The following EFCAB11 variants were observed in gnomAD, a reference collection of about 807,000 sequenced individuals.
EFCAB11 encodes the protein EF-hand calcium-binding domain-containing protein 11.
A neutral mutation model predicts 23.0 loss-of-function variants in EFCAB11; 14 were observed. The observed-to-expected ratio is 0.61, with a 90% CI of 0.40 to 0.95. The LOEUF (loss-of-function observed/expected upper bound fraction) is 0.95, where lower values mean the gene tolerates loss of function less well. Ranked by LOEUF, EFCAB11 falls within the 40% of genes least tolerant of loss-of-function variation. EFCAB11 has a pLI of 0.00. For synonymous variants in EFCAB11, 65 were observed against 66.6 expected, an observed-to-expected ratio of 0.98 and a Z score of 0.11; for missense variants, 198 against 195.8, an observed-to-expected ratio of 1.01 and a Z score of -0.07.
intron 5 of EFCAB11, among the ~76,000 whole-genome samples, chr14:89,866,800 A>G (rs1888106439): frequency 1.3e-5 from 2 of 151,484 alleles, no homozygotes; most frequent in South Asian, 4.2e-4. Context: ...TGTTTTATTT[A>G]TCTTTTTTTT....
chr14:89,852,569 A>C (rs1379822665), intron 5 of EFCAB11, among the ~76,000 whole-genome samples: 3 of 152,132 alleles, frequency 2.0e-5, no homozygotes, highest in African/African-American at 7.2e-5. Context: ...ACACGTACAC[A>C]ACTTAAATGT....
chr14:89,904,894 T>G (rs1889448756), intron 5 of EFCAB11, among the ~76,000 whole-genome samples: 1 of 152,204 alleles, frequency 6.6e-6, no homozygotes, highest in African/African-American at 2.4e-5. Context: ...ATGGGTAGAT[T>G]GCAAAAATTT....
At chr14:89,936,091 A>G (rs1300871285) in intron 3 of EFCAB11, among the ~76,000 whole-genome samples, 1 of 152,216 alleles carries the variant, frequency 6.6e-6, no homozygotes, top group Non-Finnish European at 1.5e-5. Context: ...CTTTCTATTC[A>G]CATAGCCAGC....
At chr14:89,882,839 A>C (rs1888643390) in intron 5 of EFCAB11, among the ~76,000 whole-genome samples, 1 of 152,198 alleles carries the variant, frequency 6.6e-6, no homozygotes, top group Non-Finnish European at 1.5e-5. Context: ...CCCAGTGTTA[A>C]AAGTGGGGCC....
chr14:89,915,846 A>C (rs1889823120), intron 5 of EFCAB11, among the ~76,000 whole-genome samples: 1 of 152,254 alleles, frequency 6.6e-6, no homozygotes, highest in African/African-American at 2.4e-5. Context: ...ATAAGACATT[A>C]ATTTAACCGG....
intron 5 of EFCAB11, among the ~76,000 whole-genome samples, chr14:89,827,630 T>TTA (rs1886740550): frequency 7.3e-6 from 1 of 136,166 alleles, no homozygotes; most frequent in Non-Finnish European, 1.5e-5. Context: ...TATTCACTCT[T>TTA]TTTTTTTTTT....
At chr14:89,918,148 G>A (rs1390711368) in intron 5 of EFCAB11, among the ~76,000 whole-genome samples, 1 of 152,052 alleles carries the variant, frequency 6.6e-6, no homozygotes, top group African/African-American at 2.4e-5. Flanking sequence ...AATGGCTGAT[G>A]GAGAAATGTC....
At chr14:89,875,255 G>A (rs1325173573) in intron 5 of EFCAB11, among the ~76,000 whole-genome samples, 1 of 152,152 alleles carries the variant, frequency 6.6e-6, no homozygotes, top group Non-Finnish European at 1.5e-5. Context: ...CTTTTATAAA[G>A]ACCATCAGAT....
At chr14:89,910,571 T>C (rs1889645076) in intron 5 of EFCAB11, among the ~76,000 whole-genome samples, 1 of 151,990 alleles carries the variant, frequency 6.6e-6, no homozygotes, top group Non-Finnish European at 1.5e-5. Flanking sequence ...CACTCCAGCC[T>C]GGGCAACAGA....
chr14:89,880,221 T>A lies in EFCAB11; in HGVS notation c.410+51320A>T, dbSNP rs147816640. Among the ~76,000 whole-genome samples, 154 of 152,336 alleles carry A rather than the reference T, an allele frequency of 1.0e-3. 3 individuals are homozygous for A. Among genetic ancestry groups the A allele is most frequent in the African/African-American group, 3.6e-3 (148 of 41,554 alleles). On this transcript the variant is annotated intron_variant, in intron 5 of 5. Coordinates refer to ENST00000316738, the MANE Select transcript of EFCAB11 (RefSeq NM_145231.4). ...AGGGAAGAGCCTTCATGAATGGGAT[T>A]GGTGCCCAAGAGGCCCCAGAGCACT...
intron 5 of EFCAB11, among the ~76,000 whole-genome samples, chr14:89,852,486 T>G (rs1887627965): frequency 6.6e-6 from 1 of 152,178 alleles, no homozygotes; most frequent in Non-Finnish European, 1.5e-5. Context: ...CAAGGTCTGA[T>G]CAACACAGGA....
At chr14:89,903,582 G>A (rs1303539463) in intron 5 of EFCAB11, among the ~76,000 whole-genome samples, 1 of 150,642 alleles carries the variant, frequency 6.6e-6, no homozygotes, top group Non-Finnish European at 1.5e-5. Flanking sequence ...AAGGGGGGGG[G>A]CAATTCTGGG....
At chr14:89,852,211 G>A (rs932367747) in intron 5 of EFCAB11, among the ~76,000 whole-genome samples, 2 of 152,212 alleles carry the variant, frequency 1.3e-5, no homozygotes, top group African/African-American at 4.8e-5. Flanking sequence ...AGAAGATTAT[G>A]CATAAGCAGT....
chr14:89,884,120 C>T (rs2140179206), intron 5 of EFCAB11, among the ~76,000 whole-genome samples: 1 of 152,234 alleles, frequency 6.6e-6, no homozygotes, highest in South Asian at 2.1e-4. Context: ...CAGGGAGACT[C>T]TGTCTCTAAA....
intron 5 of EFCAB11, among the ~76,000 whole-genome samples, chr14:89,864,961 A>C (rs111604299): frequency 1.7e-3 from 262 of 152,082 alleles, no homozygotes; most frequent in Admixed American, 3.1e-3. Context: ...ATTATTAGAT[A>C]CTCCTGGACC....
At position 89,855,360 on chromosome 14, in the gene EFCAB11, C is replaced by T. The variant is rs1033034515; in HGVS notation, c.411-58036G>A. ...GCAGGGTGGTGTGCACCTGTAGTCC[C>T]ACCTACTCGGGAGGCTGAGGTGGGA... On this transcript the variant is annotated intron_variant, in intron 5 of 5. Coordinates refer to ENST00000316738, the MANE Select transcript of EFCAB11 (RefSeq NM_145231.4). Among the ~76,000 whole-genome samples, 4 of 151,990 alleles carry T rather than the reference C, an allele frequency of 2.6e-5. No individual in the cohort carries two copies. The South Asian group carries it at 6.2e-4, about 24-fold the overall frequency.
intron 5 of EFCAB11, among the ~76,000 whole-genome samples, chr14:89,806,561 T>TAC (rs1566765392): frequency 3.9e-5 from 6 of 152,262 alleles, no homozygotes; most frequent in Non-Finnish European, 7.4e-5. Flanking sequence ...ACAAATCTGT[T>TAC]TCCTACACTT....
intron 5 of EFCAB11, among the ~76,000 whole-genome samples, chr14:89,853,652 C>G (rs1887662383): frequency 1.3e-5 from 2 of 152,082 alleles, no homozygotes. Flanking sequence ...AAAGGGATAC[C>G]AAGAATAAAA....
chr14:89,936,236 G>GA (rs988350284), intron 3 of EFCAB11, among the ~76,000 whole-genome samples: 2 of 152,034 alleles, frequency 1.3e-5, no homozygotes, highest in South Asian at 2.1e-4. Flanking sequence ...GTGATAAAGG[G>GA]AAAAAAGCAC....
Sources: allele counts gnomAD v4.1 joint callset (sites outside exome capture counted in the v4.1 genomes callset), GRCh38; gene constraint gnomAD v4.1.1; transcripts MANE v1.5; gene names NCBI Gene and HGNC (gene_info 2026-07-23, HGNC 2026-07-21).